GRID1: variants seen among roughly 807,000 people sequenced by gnomAD.
The protein encoded by GRID1 is glutamate ionotropic receptor delta type subunit 1, also known as glutamate receptor ionotropic, delta-1.
GRID1 carries 28 observed loss-of-function variants against 98.0 expected under a neutral mutation model. The ratio of observed to expected loss-of-function variants is 0.29; its 90% CI spans 0.21 to 0.39. The LOEUF is 0.39. Ranked by LOEUF, GRID1 falls within the 10% of genes least tolerant of loss-of-function variation. The pLI, the probability that GRID1 is intolerant of heterozygous loss-of-function variation, is 1.00. For missense variants in GRID1, 1,111 were observed against 1,340.5 expected, an observed-to-expected ratio of 0.83 and a Z score of 2.67; for synonymous variants, 553 against 538.5, an observed-to-expected ratio of 1.03 and a Z score of -0.37.
chr10:86,340,870 G>T (rs1408378232), intron 2 of GRID1, among the ~76,000 whole-genome samples: 1 of 152,124 alleles, frequency 6.6e-6, no homozygotes, highest in Non-Finnish European at 1.5e-5. Flanking sequence ...AAGGGAGGAA[G>T]AGAAAGGCCT....
In GRID1 at chr10:86,254,574, C is replaced by T. The variant is rs1470666687; in HGVS notation, c.236-47926G>A. Among the ~76,000 whole-genome samples the T allele has an allele frequency of 3.4e-5, 5 of 148,462 alleles. No homozygotes were observed. In the South Asian group the frequency reaches 6.4e-4, roughly 19 times the overall value. On this transcript the variant is annotated intron_variant, in intron 2 of 15. Coordinates refer to ENST00000327946, the MANE Select transcript of GRID1 (RefSeq NM_017551.3). ...TAGCTTTCAAAACCCTTGATACTCA[C>T]GTTGCAGCCCCATAGTGCGGGAGCC...
chr10:86,075,906 T>C (rs1290449047), intron 4 of GRID1, among the ~76,000 whole-genome samples: 1 of 152,224 alleles, frequency 6.6e-6, no homozygotes, highest in Non-Finnish European at 1.5e-5. Flanking sequence ...AGCACACGAA[T>C]GGCTGGTGTC....
intron 4 of GRID1, among the ~76,000 whole-genome samples, chr10:86,038,404 C>T (rs1288021763): frequency 6.6e-6 from 1 of 152,220 alleles, no homozygotes; most frequent in Non-Finnish European, 1.5e-5. Context: ...GGACATGCTA[C>T]AGTCTTTTCT....
At position 85,778,240 on chromosome 10, in the gene GRID1, G is replaced by A. The variant is rs1842349943; in HGVS notation, c.1234-48626C>T. 4.6e-5 allele frequency among the ~76,000 whole-genome samples: 7 copies of A among 152,090 alleles called. No individual in the cohort carries two copies. The South Asian group carries it at 1.5e-3, about 32-fold the overall frequency. On this transcript the variant is annotated intron_variant, in intron 8 of 15. Transcript: ENST00000327946. ...GGGGCATGAGATGAACCCGTGTCTGGCACACCTGCTAGACAAGCAGAAACT... is the reference window on the plus strand; with the variant it reads ...GGGGCATGAGATGAACCCGTGTCTGACACACCTGCTAGACAAGCAGAAACT...
At chr10:85,620,368 A>C (rs1315991533) in intron 13 of GRID1, among the ~76,000 whole-genome samples, 1 of 152,218 alleles carries the variant, frequency 6.6e-6, no homozygotes, top group Non-Finnish European at 1.5e-5. Flanking sequence ...TCAGCCATGG[A>C]AAGTGCAGAA....
rs1179754879 is a variant in GRID1, at chr10:85,688,297, TTC to T, written c.1997+34704_1997+34705del. Among the ~76,000 whole-genome samples the T allele has an allele frequency of 2.6e-5, 4 of 152,286 alleles. No homozygotes were observed. In the East Asian group the frequency reaches 7.7e-4, roughly 29 times the overall value. ...TTCTCACAGGAGATCACAACAGACT[TTC>T]TCTTGGGGAGAAAAGGGGCTGCTGG... On this transcript the variant is annotated intron_variant, in intron 12 of 15. Coordinates refer to ENST00000327946, the MANE Select transcript of GRID1 (RefSeq NM_017551.3).
intron 5 of GRID1, among the ~76,000 whole-genome samples, chr10:85,901,987 C>T (rs1841395806): frequency 6.6e-6 from 1 of 152,136 alleles, no homozygotes; most frequent in Non-Finnish European, 1.5e-5. Flanking sequence ...GGTTTGTTTC[C>T]TTCTGGTATT....
At chr10:86,364,155 TGGCCCGAG>T in intron 1 of GRID1, 59 bp from the exon 2 acceptor site, 1 of 1,490,066 alleles carries the variant, frequency 6.7e-7, no homozygotes, top group Non-Finnish European at 9.3e-7. Context: ...CCGCTTCCCT[TGGCCCGAG>T]GGTCAAGGCA....
chr10:85,816,611 T>C (rs1417693739), intron 8 of GRID1, among the ~76,000 whole-genome samples: 1 of 152,218 alleles, frequency 6.6e-6, no homozygotes, highest in Non-Finnish European at 1.5e-5. Context: ...GGTGGATACA[T>C]GACACTGTGC....
intron 4 of GRID1, among the ~76,000 whole-genome samples, chr10:86,122,830 G>C (rs901625742): frequency 6.6e-6 from 1 of 152,204 alleles, no homozygotes; most frequent in Non-Finnish European, 1.5e-5. Context: ...CACCCCTGAC[G>C]TGTGAGCACA....
chr10:85,842,806 T>G (rs190098203), intron 8 of GRID1, among the ~76,000 whole-genome samples: 3 of 152,188 alleles, frequency 2.0e-5, no homozygotes, highest in Admixed American at 1.3e-4. Flanking sequence ...TAGAGGATTA[T>G]ATCAAACATT....
At chr10:86,310,651 G>A (rs1179166854) in intron 2 of GRID1, among the ~76,000 whole-genome samples, 1 of 152,200 alleles carries the variant, frequency 6.6e-6, no homozygotes, top group Admixed American at 6.5e-5. Context: ...TCTGCAAAGA[G>A]GATGGAGACT....
intron 3 of GRID1, among the ~76,000 whole-genome samples, chr10:86,173,042 G>C (rs1731925828): frequency 6.6e-6 from 1 of 152,002 alleles, no homozygotes; most frequent in African/African-American, 2.4e-5. Flanking sequence ...TCCTGTTTTT[G>C]TTTTATTTTG....
chr10:85,957,453 G>C (rs545302964), intron 4 of GRID1, among the ~76,000 whole-genome samples: 3 of 152,054 alleles, frequency 2.0e-5, no homozygotes, highest in African/African-American at 7.2e-5. Flanking sequence ...TGTTCCCCCC[G>C]GTTGTATTAG....
intron 4 of GRID1, among the ~76,000 whole-genome samples, chr10:85,986,685 C>A (rs1188450104): frequency 2.0e-5 from 3 of 152,226 alleles, no homozygotes; most frequent in Non-Finnish European, 4.4e-5. Context: ...TGTGCCCTGG[C>A]TGCCTGGTCA....
intron 5 of GRID1, among the ~76,000 whole-genome samples, chr10:85,914,387 T>C (rs112523972): frequency 6.6e-6 from 1 of 152,138 alleles, no homozygotes; most frequent in African/African-American, 2.4e-5. Flanking sequence ...CATCGTTTCT[T>C]TGGAACAAAG....
In GRID1 at chr10:85,821,539, A is replaced by AAAAAGCAAAAAAAC. The variant is rs1554833470; in HGVS notation, c.1233+32956_1233+32957insGTTTTTTTGCTTTT. 2.0e-5 allele frequency among the ~76,000 whole-genome samples: 2 copies of AAAAAGCAAAAAAAC among 97,624 alleles called. 1 individual carries two copies. Among genetic ancestry groups the AAAAAGCAAAAAAAC allele is most frequent in the East Asian group, 5.1e-4 (2 of 3,888 alleles). 64.0% of individuals were successfully genotyped at this position (97,624 alleles called of 152,430 possible). On this transcript the variant is annotated intron_variant, in intron 8 of 15. Coordinates refer to ENST00000327946, the MANE Select transcript of GRID1 (RefSeq NM_017551.3). ...CTCAAAAAAAAAAAAAAAAAAAAAA[A>AAAAAGCAAAAAAAC]AAAAAAGAAAACAGATCAATAGTTG...
intron 12 of GRID1, among the ~76,000 whole-genome samples, chr10:85,674,082 C>T (rs1349633386): frequency 2.6e-5 from 4 of 152,154 alleles, no homozygotes; most frequent in Non-Finnish European, 5.9e-5. Flanking sequence ...CTCTACTTGA[C>T]ATAGTAGGTT....
chr10:85,841,486 G>A (rs967510258), intron 8 of GRID1, among the ~76,000 whole-genome samples: 1 of 152,056 alleles, frequency 6.6e-6, no homozygotes, highest in African/African-American at 2.4e-5. Context: ...TGACAAATGG[G>A]ATCTAATTAA....
Sources: allele counts gnomAD v4.1 joint callset (sites outside exome capture counted in the v4.1 genomes callset), GRCh38; gene constraint gnomAD v4.1.1; transcripts MANE v1.5; gene names NCBI Gene and HGNC (gene_info 2026-07-23, HGNC 2026-07-21).